The following METAP1D variants were observed in gnomAD, a reference collection of about 807,000 sequenced individuals.
The protein encoded by METAP1D is methionine aminopeptidase 1D, mitochondrial.
Under a neutral mutation model 40.5 loss-of-function variants are expected in METAP1D, and 31 were observed. The observed-to-expected ratio is 0.77, with a 90% CI of 0.58 to 1.03. The LOEUF (loss-of-function observed/expected upper bound fraction) is 1.03. Among genes scored for constraint, METAP1D ranks in the 50% least tolerant of loss-of-function variants. The pLI, the probability that METAP1D is intolerant of heterozygous loss-of-function variation, is 0.00. For missense variants in METAP1D, 411 were observed against 420.7 expected, an observed-to-expected ratio of 0.98 and a Z score of 0.20; for synonymous variants, 151 against 146.4, an observed-to-expected ratio of 1.03 and a Z score of -0.22.
chr2:172,000,640 G>T (rs1466421497), intron 1 of METAP1D, among the ~76,000 whole-genome samples: 3 of 152,130 alleles, frequency 2.0e-5, no homozygotes, highest in Non-Finnish European at 4.4e-5. Flanking sequence ...TTCCAAGGAC[G>T]GGGGAAGAGG....
At chr2:172,063,499 C>A (rs1690180751) in intron 2 of METAP1D, among the ~76,000 whole-genome samples, 1 of 152,116 alleles carries the variant, frequency 6.6e-6, no homozygotes, top group African/African-American at 2.4e-5. Context: ...GGTTAACAGA[C>A]CATCCAGAGG....
At chr2:172,016,028 G>A (rs1205117481) in intron 1 of METAP1D, among the ~76,000 whole-genome samples, 10 of 149,738 alleles carry the variant, frequency 6.7e-5, no homozygotes, top group African/African-American at 4.9e-5. Flanking sequence ...AGGCTGAGGC[G>A]GGCAGATCAC....
chr2:172,024,752 G>GTGTGTGTGTGTGTGTA (rs1553491366), intron 1 of METAP1D, among the ~76,000 whole-genome samples: 63 of 81,724 alleles, frequency 7.7e-4, no homozygotes, highest in Middle Eastern at 6.5e-3. Flanking sequence ...TATAGATTGT[G>GTGTGTGTGTGTGTGTA]TGTGTGTGTG....
chr2:172,025,321 A>G (rs1211142119), intron 1 of METAP1D, among the ~76,000 whole-genome samples: 2 of 151,982 alleles, frequency 1.3e-5, no homozygotes, highest in Non-Finnish European at 2.9e-5. Flanking sequence ...TTTGTTATGG[A>G]AAAAAATTAT....
In METAP1D at chr2:172,071,690, A is replaced by T. The variant is rs192450142; in HGVS notation, c.704+620A>T. On this transcript the variant is annotated intron_variant, in intron 6 of 9. Transcript: ENST00000315796. ...TTTTCTGAATTTAAGACTTTTCTTTATAATCTGTTACCTACTTTTAGGTCT... is the reference window on the plus strand; with the variant it reads ...TTTTCTGAATTTAAGACTTTTCTTTTTAATCTGTTACCTACTTTTAGGTCT... Among the ~76,000 whole-genome samples, 235 of 152,264 alleles carry T rather than the reference A, an allele frequency of 1.5e-3. 2 individuals are homozygous for T. Among genetic ancestry groups the T allele is most frequent in the Admixed American group, 0.013 (204 of 15,284 alleles).
chr2:172,027,932 C>A (rs1021600367), intron 1 of METAP1D, among the ~76,000 whole-genome samples: 1 of 152,064 alleles, frequency 6.6e-6, no homozygotes, highest in Admixed American at 6.6e-5. Flanking sequence ...CTGAAGAGAC[C>A]TAAAGAAAGG....
chr2:172,080,496 G>A lies in METAP1D; in HGVS notation c.*90G>A. On this transcript the variant is annotated 3_prime_UTR_variant, in exon 10 of 10. Coordinates refer to ENST00000315796, the MANE Select transcript of METAP1D (RefSeq NM_199227.3). ...GAACTTTTAGAAGAAACAGGGAAAT[G>A]ACCGGTGGTGCGGTAACCTGCGTGG... The A allele has an allele frequency of 7.2e-7, 1 of 1,391,006 alleles. No individual in the cohort carries two copies. The highest frequency in any genetic ancestry group is 1.2e-5 in the South Asian group (1 of 85,782). 86.2% of individuals were successfully genotyped at this position (1,391,006 alleles called of 1,614,324 possible).
chr2:172,004,390 C>A (rs1377994345), intron 1 of METAP1D, among the ~76,000 whole-genome samples: 1 of 151,728 alleles, frequency 6.6e-6, no homozygotes. Context: ...GTGGTGTGAT[C>A]TTGGCCCACT....
intron 2 of METAP1D, among the ~76,000 whole-genome samples, chr2:172,063,140 A>C (rs1559017253): frequency 6.6e-6 from 1 of 152,130 alleles, no homozygotes; most frequent in Non-Finnish European, 1.5e-5. Context: ...ATTTTTATGT[A>C]TTTGAAGAAT....
chr2:172,042,232 T>C (rs1474180405), intron 1 of METAP1D, among the ~76,000 whole-genome samples: 1 of 55,978 alleles, frequency 1.8e-5, no homozygotes, highest in East Asian at 2.8e-4. Flanking sequence ...TGTACACATA[T>C]ACATATGTAT....
intron 1 of METAP1D, among the ~76,000 whole-genome samples, chr2:172,012,408 G>A (rs939461067): frequency 6.6e-6 from 1 of 152,106 alleles, no homozygotes; most frequent in South Asian, 2.1e-4. Context: ...AGTGGGAGAC[G>A]GGACAAACAG....
intron 1 of METAP1D, among the ~76,000 whole-genome samples, chr2:172,020,348 C>T (rs1375989752): frequency 6.6e-6 from 1 of 152,122 alleles, no homozygotes; most frequent in Non-Finnish European, 1.5e-5. Flanking sequence ...GCTTTTCCTC[C>T]CTGCAATTTA....
intron 1 of METAP1D, among the ~76,000 whole-genome samples, chr2:172,008,995 G>T (rs567305441): frequency 4.6e-5 from 7 of 152,180 alleles, no homozygotes; most frequent in African/African-American, 1.4e-4. Flanking sequence ...ATTTCATCAC[G>T]CTGTGCAGAA....
At chr2:172,036,199 C>T (rs913884370) in intron 1 of METAP1D, among the ~76,000 whole-genome samples, 4 of 150,308 alleles carry the variant, frequency 2.7e-5, no homozygotes, top group Admixed American at 2.0e-4. Context: ...TGCCTGTAGT[C>T]CCAGCTACTT....
chr2:172,063,780 A>G lies in METAP1D; in HGVS notation c.268A>G (p.Asn90Asp), dbSNP rs1559017560. The G allele has an allele frequency of 6.2e-7, 1 of 1,614,024 alleles. No homozygotes were observed. Among genetic ancestry groups the G allele is most frequent in the Non-Finnish European group, 8.5e-7 (1 of 1,180,022 alleles). The change falls in exon 3 of 10, where the codon AAT becomes GAT. Residue 90 changes from asparagine (N) to aspartate (D), a missense_variant. Coordinates refer to ENST00000315796, the MANE Select transcript of METAP1D (RefSeq NM_199227.3). ...PDWGDSIEVK[N>D]EDQIQGLHQA... ...CTGGGGAGACAGCATAGAAGTTAAGAATGAAGATCAGATTCAAGGGCTTCA... is the reference window on the plus strand; with the variant it reads ...CTGGGGAGACAGCATAGAAGTTAAGGATGAAGATCAGATTCAAGGGCTTCA...
chr2:172,034,356 TAAATTTGTGATCGTGGAC>T, intron 1 of METAP1D, among the ~76,000 whole-genome samples: 1 of 152,182 alleles, frequency 6.6e-6, no homozygotes, highest in Non-Finnish European at 1.5e-5. Context: ...TTGCCACTTG[TAAATTTGTGATCGTGGAC>T]AAATTCATTA....
chr2:172,065,625 A>G lies in METAP1D; in HGVS notation c.370A>G (p.Ile124Val), dbSNP rs1274664163. 2 of 1,613,700 alleles carry G rather than the reference A, an allele frequency of 1.2e-6. No homozygotes were observed. Among genetic ancestry groups the G allele is most frequent in the Non-Finnish European group, 1.7e-6 (2 of 1,179,882 alleles). ...SLKVDMTTEEIDALVHREIIS... is the reference protein window; with the variant it reads ...SLKVDMTTEEVDALVHREIIS... ...TTAGGTTGACATGACAACTGAAGAG[A>G]TAGATGCTCTTGTTCATCGGGAAAT... Residue 124 changes from isoleucine (I) to valine (V), a missense_variant, in exon 4 of 10, where the codon ATA becomes GTA. Transcript: ENST00000315796.
At chr2:172,023,032 C>T (rs1689040683) in intron 1 of METAP1D, among the ~76,000 whole-genome samples, 1 of 152,052 alleles carries the variant, frequency 6.6e-6, no homozygotes, top group Non-Finnish European at 1.5e-5. Context: ...ACTAAAAATA[C>T]AAAAAATTAG....
chr2:172,065,772 A>G lies in METAP1D; in HGVS notation c.497+20A>G, dbSNP rs1221176589. 7 of 1,607,540 alleles carry G rather than the reference A, an allele frequency of 4.4e-6. No homozygotes were observed. The South Asian group carries it at 4.5e-5, about 10-fold the overall frequency. ...TGACAGGTATTCAGTTCTTAATAACATATTGTTCCTTTGGAAACTAAAACA... is the reference window on the plus strand; with the variant it reads ...TGACAGGTATTCAGTTCTTAATAACGTATTGTTCCTTTGGAAACTAAAACA... On this transcript the variant is annotated intron_variant, in intron 4 of 9. Transcript: ENST00000315796.
Sources: allele counts gnomAD v4.1 joint callset (sites outside exome capture counted in the v4.1 genomes callset), GRCh38; gene constraint gnomAD v4.1.1; transcripts MANE v1.5; gene names NCBI Gene and HGNC (gene_info 2026-07-23, HGNC 2026-07-21).